MYBPHL: variants seen among roughly 807,000 people sequenced by gnomAD.
MYBPHL encodes myosin-binding protein H-like.
In MYBPHL, 32 loss-of-function variants were observed where a neutral mutation model predicts 39.5. The observed-to-expected ratio is 0.81, with a 90% CI of 0.61 to 1.09. The LOEUF is 1.09. Among genes scored for constraint, MYBPHL ranks in the 50% least tolerant of loss-of-function variants. MYBPHL has a pLI of 0.00. For missense variants in MYBPHL, 456 were observed against 460.2 expected (o/e 0.99, Z 0.08); for synonymous variants, 196 against 183.7 (o/e 1.07, Z -0.54).
intron 7 of MYBPHL, among the ~76,000 whole-genome samples, chr1:109,294,809 G>A (rs1557761313): frequency 6.6e-6 from 1 of 152,184 alleles, no homozygotes; most frequent in Non-Finnish European, 1.5e-5. Flanking sequence ...CCAGTGCCAG[G>A]TGATCAACTA....
intron 3 of MYBPHL, 52 bp downstream of exon 3, chr1:109,297,370 C>A: frequency 1.3e-6 from 2 of 1,579,840 alleles, no homozygotes; most frequent in Admixed American, 1.7e-5. Flanking sequence ...CCTCTTCAGC[C>A]TGGAGAGGGA....
At chr1:109,301,798 T>A (rs1373501023) in intron 1 of MYBPHL, among the ~76,000 whole-genome samples, 1 of 152,208 alleles carries the variant, frequency 6.6e-6, no homozygotes, top group Non-Finnish European at 1.5e-5. Context: ...TCTTGACTTC[T>A]GATTAGAAAA....
At position 109,296,837 on chromosome 1, in the gene MYBPHL, C is replaced by T. The variant is rs368090769; in HGVS notation, c.676G>A (p.Gly226Arg). 2.9e-5 allele frequency: 46 copies of T among 1,613,998 alleles called. No homozygotes were observed. The highest frequency in any genetic ancestry group is 6.7e-5 in the East Asian group (3 of 44,888). ...GTGATGGGGGCTGTTTCACTGAGTC[C>T]GCACTGGTTTTCAGCAAAGACACGG... ...AFRVFAENQC[G>R]LSETAPITTD... Residue 226 changes from glycine to arginine, a missense_variant, in exon 5 of 9, where the codon GGA (glycine) becomes AGA (arginine). Transcript: ENST00000357155.
chr1:109,293,962 G>T (rs538179956), intron 8 of MYBPHL, among the ~76,000 whole-genome samples: 2 of 151,904 alleles, frequency 1.3e-5, no homozygotes, highest in East Asian at 1.9e-4. Context: ...TACTCGAGAG[G>T]TTGAGGCACA....
At chr1:109,296,191 C>T in intron 6 of MYBPHL, 43 bp downstream of exon 6, 1 of 1,603,640 alleles carries the variant, frequency 6.2e-7, no homozygotes, top group Non-Finnish European at 8.5e-7. Flanking sequence ...CAGGCAGGAA[C>T]AAGAAGCAGC....
chr1:109,301,171 G>A (rs1658263724), intron 1 of MYBPHL, among the ~76,000 whole-genome samples: 1 of 152,214 alleles, frequency 6.6e-6, no homozygotes, highest in African/African-American at 2.4e-5. Context: ...AAATTGTACT[G>A]ACCTTGGGGA....
Position 109,306,688 on chromosome 1 carries a change from A to AG in MYBPHL, c.145+158dup, listed in dbSNP as rs1658479120. Among the ~76,000 whole-genome samples, 3 of 152,348 alleles carry AG rather than the reference A, an allele frequency of 2.0e-5. No individual in the cohort carries two copies. In the South Asian group the frequency reaches 6.2e-4, roughly 32 times the overall value. On this transcript the variant is annotated intron_variant, in intron 1 of 8. Transcript: ENST00000357155. ...CAGCAAGTTAGACTCCATCAAGGAC[A>AG]GGGGATGGGGGCTCTCACGAATGAT...
rs1658085247 is a variant in MYBPHL, at chr1:109,296,813, T to TG, written c.699dup (p.Thr234HisfsTer26). 1 of 1,614,024 alleles carries TG rather than the reference T, an allele frequency of 6.2e-7. No individual in the cohort carries two copies. The highest frequency in any genetic ancestry group is 8.5e-7 in the Non-Finnish European group (1 of 1,180,016). ...TTCTGGATGTGGGCGAGGTCCGTAG[T>TG]GATGGGGGCTGTTTCACTGAGTCCG... On this transcript the variant is annotated frameshift_variant, in exon 5 of 9. Coordinates refer to ENST00000357155, the MANE Select transcript of MYBPHL (RefSeq NM_001010985.3). LOFTEE classifies it high-confidence loss of function.
rs372296438 is a variant in MYBPHL at position 109,301,482 on chromosome 1, T to C, written c.146-3225A>G. 1.2e-4 allele frequency among the ~76,000 whole-genome samples: 18 copies of C among 152,330 alleles called. No homozygotes were observed. In the South Asian group the frequency reaches 3.7e-3, roughly 32 times the overall value. On this transcript the variant is annotated intron_variant, in intron 1 of 8. Coordinates refer to ENST00000357155, the MANE Select transcript of MYBPHL (RefSeq NM_001010985.3). The stretch of plus-strand genomic sequence containing the variant: ...CAGGCCGGGCGCAGTGGCTCATGCC[T>C]GTAATCCCAGCACTTTGGGAGGCTA...
In MYBPHL at chr1:109,296,281, T is replaced by C; in HGVS notation, c.820A>G (p.Thr274Ala). 1 of 1,614,024 alleles carries C rather than the reference T, an allele frequency of 6.2e-7. No individual in the cohort carries two copies. Among genetic ancestry groups the C allele is most frequent in the Non-Finnish European group, 8.5e-7 (1 of 1,179,994 alleles). ...TQPLADCTTVTGYNTQLFCCV... is the reference protein window; with the variant it reads ...TQPLADCTTVAGYNTQLFCCV... ...CAGAAGAGCTGGGTATTATAGCCGG[T>C]GACTGTAGTGCAGTCGGCCAGAGGC... Residue 274 changes from threonine (T) to alanine (A), a missense_variant, in exon 6 of 9, where the codon ACC becomes GCC. Thr to Ala is a moderately conservative substitution (Grantham distance 58, BLOSUM62 0). Transcript: ENST00000357155.
At chr1:109,298,042 G>C in intron 2 of MYBPHL, 127 bp downstream of exon 2, 1 of 790,096 alleles carries the variant, frequency 1.3e-6, no homozygotes, top group African/African-American at 1.8e-5. Context: ...ACTTCTGGTG[G>C]TGTGACCCCT....
At chr1:109,297,673 G>T in intron 2 of MYBPHL, 56 bp from the exon 3 acceptor site, 1 of 1,477,562 alleles carries the variant, frequency 6.8e-7, no homozygotes, top group Non-Finnish European at 9.3e-7. Flanking sequence ...GACTCTCCCT[G>T]CTGCTGTAGG....
Position 109,295,086 on chromosome 1 carries a change from G to A in MYBPHL, c.1054+25C>T, listed in dbSNP as rs78448100. On this transcript the variant is annotated intron_variant, in intron 7 of 8. Transcript: ENST00000357155. ...GAGAGGAGGTGACTGGCACCCTAAG[G>A]CACTAGTTCTCCTCTTGCCCTTACC... 2.9e-3 allele frequency: 4,597 copies of A among 1,609,044 alleles called. 198 individuals are homozygous for A. In the East Asian group the frequency reaches 0.089, roughly 31 times the overall value.
Position 109,296,941 on chromosome 1 carries a change from A to C in MYBPHL, c.572T>G (p.Leu191Arg). Residue 191 changes from leucine to arginine, a missense_variant and splice_region_variant, in exon 5 of 9, where the codon CTG becomes CGG. Physicochemically the swap from Leu to Arg is moderately radical, Grantham distance 102. Transcript: ENST00000357155. ...TVQKADTKSG[L>R]WFTVLEHYHR... ...ATAGTGCTCCAGCACCGTGAACCACAGCTGCGGGGCCGAACATGATGCCAG... is the reference window on the plus strand; with the variant it reads ...ATAGTGCTCCAGCACCGTGAACCACCGCTGCGGGGCCGAACATGATGCCAG... 2 of 1,614,168 alleles carry C rather than the reference A, an allele frequency of 1.2e-6. No individual in the cohort carries two copies.
intron 1 of MYBPHL, among the ~76,000 whole-genome samples, chr1:109,302,966 T>C (rs1024786307): frequency 7.9e-5 from 12 of 152,216 alleles, no homozygotes; most frequent in Non-Finnish European, 1.6e-4. Context: ...GTTAGATTTC[T>C]ATTTTCCTCT....
chr1:109,297,010 A>G (rs1285222402), intron 4 of MYBPHL, 40 bp downstream of exon 4: 2 of 1,613,930 alleles, frequency 1.2e-6, no homozygotes, highest in Non-Finnish European at 8.5e-7. Flanking sequence ...CTGTCCCAAC[A>G]TGCCCTCTTC....
intron 8 of MYBPHL, among the ~76,000 whole-genome samples, chr1:109,293,375 TAGAG>T (rs1657931595): frequency 6.6e-6 from 1 of 152,186 alleles, no homozygotes; most frequent in Non-Finnish European, 1.5e-5. Context: ...AGTGCAGACA[TAGAG>T]AGGATATGAC....
At chr1:109,296,395 AT>A (rs1393903742) in intron 5 of MYBPHL, 25 bp from the exon 6 acceptor site, 4 of 1,612,244 alleles carry the variant, frequency 2.5e-6, no homozygotes, top group Non-Finnish European at 2.5e-6. Context: ...AGGGGCTGGC[AT>A]GTAGCTTCTG....
At chr1:109,292,846 TG>T (rs1353262334) in intron 8 of MYBPHL, 3 of 152,204 alleles carry the variant, frequency 2.0e-5, no homozygotes, top group African/African-American at 7.2e-5. Context: ...ACTGGGAACT[TG>T]TTCTCTTTAG....
Sources: gnomAD v4.1 joint callset for allele counts (sites outside exome capture counted in the v4.1 genomes callset) on GRCh38, gnomAD v4.1.1 for gene constraint, MANE v1.5 for transcripts, NCBI Gene and HGNC (gene_info 2026-07-23, HGNC 2026-07-21) for gene names.